CNTN5: variants seen among roughly 807,000 people sequenced by gnomAD.
CNTN5 encodes the protein contactin-5.
CNTN5 carries 77 observed loss-of-function variants against 129.1 expected under a neutral mutation model. The ratio of observed to expected loss-of-function variants is 0.60; its 90% CI spans 0.50 to 0.72. The LOEUF is 0.72. CNTN5 is among the 30% of genes least tolerant of loss of function. CNTN5 has a pLI of 0.00. For missense variants in CNTN5, 1,478 were observed against 1,328.8 expected (o/e 1.11, Z -1.75); for synonymous variants, 509 against 465.6 (o/e 1.09, Z -1.20).
At chr11:99,141,236 T>A (rs1859500308) in intron 1 of CNTN5, among the ~76,000 whole-genome samples, 1 of 152,174 alleles carries the variant, frequency 6.6e-6, no homozygotes, top group African/African-American at 2.4e-5. Context: ...AGTTATGTAT[T>A]TTCAGGAATT....
intron 9 of CNTN5, among the ~76,000 whole-genome samples, chr11:100,020,295 A>C (rs1458561158): frequency 6.6e-6 from 1 of 152,042 alleles, no homozygotes; most frequent in African/African-American, 2.4e-5. Flanking sequence ...ATCCATTGAA[A>C]GGTGATATTT....
intron 6 of CNTN5, among the ~76,000 whole-genome samples, chr11:99,879,531 GA>G (rs1248479162): frequency 4.6e-5 from 7 of 152,280 alleles, no homozygotes; most frequent in Non-Finnish European, 8.8e-5. Context: ...ACAGGTTTAA[GA>G]AACTTCTATC....
intron 17 of CNTN5, among the ~76,000 whole-genome samples, chr11:100,263,586 T>C (rs1224344594): frequency 3.3e-5 from 5 of 152,140 alleles, no homozygotes; most frequent in Admixed American, 6.6e-5. Context: ...CATTCCTGGA[T>C]CCATTATAAC....
rs534396706 is a variant in CNTN5, at chr11:99,512,594, C to T, written c.-70-43551C>T. 6.6e-5 allele frequency among the ~76,000 whole-genome samples: 10 copies of T among 152,274 alleles called. No individual in the cohort carries two copies. In the South Asian group the frequency reaches 2.1e-3, roughly 32 times the overall value. On this transcript the variant is annotated intron_variant, in intron 2 of 24. Transcript: ENST00000524871. ...TCTGTTAGTGCCATTTTTTCAACAT[C>T]ATGTGCTCACTTCCTGTCTTTGTGT...
chr11:100,295,163 T>C (rs575352944), intron 18 of CNTN5, among the ~76,000 whole-genome samples: 1 of 151,708 alleles, frequency 6.6e-6, no homozygotes, highest in African/African-American at 2.4e-5. Flanking sequence ...TTCATTAAAA[T>C]TGGAGGTAAG....
chr11:99,252,326 TAAAC>T (rs1280790402), intron 1 of CNTN5, among the ~76,000 whole-genome samples: 3 of 151,870 alleles, frequency 2.0e-5, no homozygotes, highest in Non-Finnish European at 4.4e-5. Context: ...ATGAGTTGTT[TAAAC>T]AAACAAACAC....
In CNTN5 at chr11:99,199,649, C is replaced by T. The variant is rs553303218; in HGVS notation, c.-209-125697C>T. Among the ~76,000 whole-genome samples the T allele has an allele frequency of 1.7e-4, 26 of 152,204 alleles. No homozygotes were observed. The South Asian group carries it at 2.5e-3, about 15-fold the overall frequency. On this transcript the variant is annotated intron_variant, in intron 1 of 24. Coordinates refer to ENST00000524871, the MANE Select transcript of CNTN5 (RefSeq NM_014361.4). ...CCTGGGGCAGAATTTCTCATGGATA[C>T]GACAAAATCCAAAAATGGCAAAAGA...
chr11:99,022,729 T>C (rs1304682645), intron 1 of CNTN5, among the ~76,000 whole-genome samples: 1 of 152,108 alleles, frequency 6.6e-6, no homozygotes, highest in East Asian at 1.9e-4. Flanking sequence ...GGAAATTCAA[T>C]ATAAAGAATA....
Position 100,259,036 on chromosome 11 carries a change from G to A in CNTN5, c.2164+3118G>A, listed in dbSNP as rs528607695. ...AAGAGTCAAGACCCATCAGTGTGCT[G>A]TATTCAGGAGACCCATCTCACTTGC... is the stretch of plus-strand genomic sequence containing the variant. On this transcript the variant is annotated intron_variant, in intron 17 of 24. Coordinates refer to ENST00000524871, the MANE Select transcript of CNTN5 (RefSeq NM_014361.4). Among the ~76,000 whole-genome samples the A allele has an allele frequency of 7.2e-5, 11 of 152,286 alleles. No individual in the cohort carries two copies. The East Asian group carries it at 1.9e-3, about 27-fold the overall frequency.
rs115670901 is a variant in CNTN5, at chr11:99,289,694, A to T, written c.-209-35652A>T. Among the ~76,000 whole-genome samples, 674 of 151,890 alleles carry T rather than the reference A, an allele frequency of 4.4e-3. 6 individuals are homozygous for T. The highest frequency in any genetic ancestry group is 0.015 in the African/African-American group (641 of 41,498). On this transcript the variant is annotated intron_variant, in intron 1 of 24. Transcript: ENST00000524871. ...TTTCAGACCCATTTTTTATCTCCTG[A>T]CATATGCTTCTCAAATGTTCAAGGA... is the stretch of plus-strand genomic sequence containing the variant.
chr11:100,101,562 T>C (rs932730963), intron 13 of CNTN5, among the ~76,000 whole-genome samples: 1 of 152,074 alleles, frequency 6.6e-6, no homozygotes, highest in African/African-American at 2.4e-5. Context: ...TCCTAAGAAA[T>C]TCCAATGTAT....
At chr11:99,718,743 T>C (rs1230324468) in intron 3 of CNTN5, among the ~76,000 whole-genome samples, 1 of 152,116 alleles carries the variant, frequency 6.6e-6, no homozygotes, top group African/African-American at 2.4e-5. Context: ...TCTTACTATG[T>C]ACCAAACACT....
intron 3 of CNTN5, among the ~76,000 whole-genome samples, chr11:99,652,002 A>C (rs1330203577): frequency 6.6e-6 from 1 of 152,036 alleles, no homozygotes; most frequent in African/African-American, 2.4e-5. Flanking sequence ...AAACACCACA[A>C]ATGCATTATC....
chr11:99,780,337 A>G (rs1459427008), intron 3 of CNTN5, among the ~76,000 whole-genome samples: 4 of 152,140 alleles, frequency 2.6e-5, no homozygotes, highest in African/African-American at 7.2e-5. Context: ...TGGCTAATAC[A>G]AGATTATTAC....
Position 99,844,904 on chromosome 11 carries a change from T to C in CNTN5, c.330T>C (p.Phe110=), listed in dbSNP as rs1947634108. 1 of 1,613,674 alleles carries C rather than the reference T, an allele frequency of 6.2e-7. No individual in the cohort carries two copies. The change falls in exon 5 of 25, where the codon TTT becomes TTC. Residue 110 remains phenylalanine (F), a synonymous_variant. Transcript: ENST00000524871. ...VFVQEPDDII[F]PTDSDEKKVA... is the part of the protein sequence containing the mutation. The stretch of plus-strand genomic sequence containing the variant: ...TGCAAGAACCAGATGATATTATTTT[T>C]CCAACTGATTCTGATGAAAAGAAGG...
intron 3 of CNTN5, among the ~76,000 whole-genome samples, chr11:99,678,192 C>G (rs1467750118): frequency 1.3e-5 from 2 of 152,032 alleles, no homozygotes; most frequent in African/African-American, 4.8e-5. Flanking sequence ...CCTCAATATT[C>G]AGCGAATTTC....
At chr11:99,096,774 G>A (rs568670014) in intron 1 of CNTN5, among the ~76,000 whole-genome samples, 4 of 151,574 alleles carry the variant, frequency 2.6e-5, no homozygotes, top group South Asian at 4.2e-4. Context: ...TACTAAATAC[G>A]TATGAAGGGT....
chr11:99,745,158 C>T (rs1944014328), intron 3 of CNTN5, among the ~76,000 whole-genome samples: 1 of 152,146 alleles, frequency 6.6e-6, no homozygotes, highest in South Asian at 2.1e-4. Flanking sequence ...CCCTGATGGG[C>T]ATGGATTGCT....
intron 3 of CNTN5, among the ~76,000 whole-genome samples, chr11:99,699,333 T>G (rs1396836886): frequency 6.6e-6 from 1 of 151,512 alleles, no homozygotes; most frequent in African/African-American, 2.4e-5. Context: ...TCTAAAAAAC[T>G]TTTTAAAAAA....
Sources: allele counts gnomAD v4.1 joint callset (sites outside exome capture counted in the v4.1 genomes callset), GRCh38; gene constraint gnomAD v4.1.1; transcripts MANE v1.5; gene names NCBI Gene and HGNC (gene_info 2026-07-23, HGNC 2026-07-21).